OSBPL3: variants seen among roughly 807,000 people sequenced by gnomAD.
OSBPL3 encodes oxysterol-binding protein-related protein 3.
A neutral mutation model predicts 120.1 loss-of-function variants in OSBPL3; 65 were observed. The ratio of observed to expected loss-of-function variants is 0.54; its 90% confidence interval spans 0.44 to 0.67. The LOEUF (loss-of-function observed/expected upper bound fraction) is 0.67. OSBPL3 is among the 30% of genes least tolerant of loss of function. The pLI, the probability that OSBPL3 is intolerant of heterozygous loss-of-function variation, is 0.00. For synonymous variants in OSBPL3, 416 were observed against 402.6 expected, an observed-to-expected ratio of 1.03 and a Z score of -0.40; for missense variants, 1,004 against 1,082.1, an observed-to-expected ratio of 0.93 and a Z score of 1.01.
chr7:24,816,475 C>T, intron 18 of OSBPL3, 135 bp downstream of exon 18: 3 of 661,372 alleles, frequency 4.5e-6, no homozygotes, highest in Non-Finnish European at 8.2e-6. Flanking sequence ...ACATTTAAAC[C>T]TACTGTCAGA....
intron 1 of OSBPL3, among the ~76,000 whole-genome samples, chr7:24,944,741 T>C (rs1813519773): frequency 6.6e-6 from 1 of 152,232 alleles, no homozygotes; most frequent in African/African-American, 2.4e-5. Flanking sequence ...TGCTATTTTA[T>C]CCAAAGGTTT....
intron 1 of OSBPL3, among the ~76,000 whole-genome samples, chr7:24,978,037 A>C (rs368075397): frequency 6.6e-6 from 1 of 152,246 alleles, no homozygotes; most frequent in East Asian, 1.9e-4. Context: ...TGGAAACCAC[A>C]TTTTAGTTTA....
At chr7:24,843,165 C>T (rs1272746330) in intron 12 of OSBPL3, among the ~76,000 whole-genome samples, 1 of 152,136 alleles carries the variant, frequency 6.6e-6, no homozygotes, top group Non-Finnish European at 1.5e-5. Flanking sequence ...CAGGATATAA[C>T]AATGAACCAG....
intron 1 of OSBPL3, among the ~76,000 whole-genome samples, chr7:24,958,335 T>G (rs113681924): frequency 6.6e-6 from 1 of 152,200 alleles, no homozygotes; most frequent in Non-Finnish European, 1.5e-5. Context: ...TTTGGCTTTT[T>G]TTGATTGATA....
At chr7:24,841,718 A>G in intron 13 of OSBPL3, among the ~76,000 whole-genome samples, 1 of 74,546 alleles carries the variant, frequency 1.3e-5, no homozygotes, top group African/African-American at 7.0e-5. Context: ...AAAAAAAAAA[A>G]AAAGAGGCCA....
rs891157320 is a variant in OSBPL3 at position 24,832,548 on chromosome 7, A to G, written c.1747-1643T>C. Among the ~76,000 whole-genome samples the G allele has an allele frequency of 7.9e-5, 12 of 151,450 alleles. 1 individual carries two copies. The highest frequency in any genetic ancestry group is 6.6e-4 in the Admixed American group (10 of 15,198). On this transcript the variant is annotated intron_variant, in intron 15 of 22. Transcript: ENST00000313367. ...AAAAAAAAAGAAGAAGAAAAAATCA[A>G]CTGCACTCAAGTCAGTCCTACTTGT...
intron 1 of OSBPL3, among the ~76,000 whole-genome samples, chr7:24,917,097 T>C (rs1402778850): frequency 6.6e-6 from 1 of 152,076 alleles, no homozygotes; most frequent in Non-Finnish European, 1.5e-5. Context: ...ACTCCAAGAA[T>C]GCATTCCAGT....
At chr7:24,919,910 A>G (rs941628514) in intron 1 of OSBPL3, among the ~76,000 whole-genome samples, 1 of 152,062 alleles carries the variant, frequency 6.6e-6, no homozygotes, top group Non-Finnish European at 1.5e-5. Context: ...ACATGAAAAG[A>G]TGCTCAATGT....
chr7:24,933,431 A>G lies in OSBPL3; in HGVS notation c.-149-40810T>C, dbSNP rs1239161215. The stretch of plus-strand genomic sequence containing the variant: ...TACTGAATAATTTCATGGACATAAC[A>G]ATATGTTAAGTTTATGAATATTTAA... On this transcript the variant is annotated intron_variant, in intron 1 of 22. Transcript: ENST00000313367. The surrounding 1 kb of genome is among the most constrained non-coding windows in gnomAD (Gnocchi z 5.1). Among the ~76,000 whole-genome samples the G allele has an allele frequency of 6.6e-6, 1 of 152,314 alleles. No homozygotes were observed. The highest frequency in any genetic ancestry group is 2.1e-4 in the South Asian group (1 of 4,822).
chr7:24,830,727 A>T lies in OSBPL3; in HGVS notation c.1884+41T>A. On this transcript the variant is annotated intron_variant, in intron 16 of 22. Coordinates refer to ENST00000313367, the MANE Select transcript of OSBPL3 (RefSeq NM_015550.4). This position sits in a 1 kb window ranked among gnomAD's most constrained non-coding sequence, Gnocchi z 4.4. Reference sequence around the variant, plus strand: ...CAGAAGCACATTTAATGGGAGACATAAGCAACCCCTCCCAACAAGCAAAAA... The same window carrying T: ...CAGAAGCACATTTAATGGGAGACATTAGCAACCCCTCCCAACAAGCAAAAA... 6.4e-7 allele frequency: 1 copy of T among 1,568,128 alleles called. No individual in the cohort carries two copies. The highest frequency in any genetic ancestry group is 8.6e-7 in the Non-Finnish European group (1 of 1,158,814).
At chr7:24,865,527 A>C in intron 6 of OSBPL3, 62 bp from the exon 7 acceptor site, 2 of 1,554,310 alleles carry the variant, frequency 1.3e-6, no homozygotes, top group South Asian at 2.3e-5. Context: ...GGACATGTTA[A>C]GACAAAGGAT....
In OSBPL3 at chr7:24,940,743, G is replaced by T; in HGVS notation, c.-150+39143C>A. On this transcript the variant is annotated intron_variant, in intron 1 of 22. Transcript: ENST00000313367. The surrounding 1 kb of genome is among the most constrained non-coding windows in gnomAD (Gnocchi z 4.4). The stretch of plus-strand genomic sequence containing the variant: ...GATAACAACAGGCCAGGAACTCTAA[G>T]GCAAACAGGAGACAGCTACAAACCA... 6.6e-6 allele frequency among the ~76,000 whole-genome samples: 1 copy of T among 151,930 alleles called. No individual in the cohort carries two copies. Among genetic ancestry groups the T allele is most frequent in the East Asian group, 1.9e-4 (1 of 5,184 alleles).
rs1800912678 is a variant in OSBPL3 at position 24,863,696 on chromosome 7, GTTGA to G, written c.674-101_674-98del. On this transcript the variant is annotated intron_variant, in intron 7 of 22. Coordinates refer to ENST00000313367, the MANE Select transcript of OSBPL3 (RefSeq NM_015550.4). This position sits in a 1 kb window ranked among gnomAD's most constrained non-coding sequence, Gnocchi z 5.8. Reference sequence around the variant, plus strand: ...AGCTACTTTTCCTTATTTATCTGTAGTTGATTTTTTTTTTCATCTGTAAGGGTTG... The same window carrying G: ...AGCTACTTTTCCTTATTTATCTGTAGTTTTTTTTTTCATCTGTAAGGGTTG... The G allele has an allele frequency of 1.3e-6, 1 of 794,020 alleles. No individual in the cohort carries two copies. The highest frequency in any genetic ancestry group is 1.7e-5 in the African/African-American group (1 of 57,570). 49.2% of individuals were successfully genotyped at this position (794,020 alleles called of 1,614,324 possible). A position where few individuals can be genotyped will look rare whatever the true frequency, so the allele number is the denominator to read the frequency against.
chr7:24,932,159 A>G lies in OSBPL3; in HGVS notation c.-149-39538T>C, dbSNP rs1490368669. Among the ~76,000 whole-genome samples, 3 of 152,220 alleles carry G rather than the reference A, an allele frequency of 2.0e-5. No individual in the cohort carries two copies. Among genetic ancestry groups the G allele is most frequent in the Admixed American group, 1.3e-4 (2 of 15,286 alleles). On this transcript the variant is annotated intron_variant, in intron 1 of 22. Coordinates refer to ENST00000313367, the MANE Select transcript of OSBPL3 (RefSeq NM_015550.4). The surrounding 1 kb of genome is among the most constrained non-coding windows in gnomAD (Gnocchi z 5.6). ...ATAAACCATGTCTTATTTAATTAAT[A>G]AGAAATGAATGGGCACATTTGTCCC... is the stretch of plus-strand genomic sequence containing the variant.
rs1466193532 is a variant in OSBPL3 at position 24,899,020 on chromosome 7, T to A, written c.-149-6399A>T. ...CATAGAACAAGACAGAACTTTTTTT[T>A]AACCATAACCTGCACTGAAACCACC... On this transcript the variant is annotated intron_variant, in intron 1 of 22. Transcript: ENST00000313367. The surrounding 1 kb of genome is among the most constrained non-coding windows in gnomAD (Gnocchi z 4.0). Among the ~76,000 whole-genome samples, 1 of 152,184 alleles carries A rather than the reference T, an allele frequency of 6.6e-6. No individual in the cohort carries two copies. The highest frequency in any genetic ancestry group is 6.5e-5 in the Admixed American group (1 of 15,280).
Position 24,809,830 on chromosome 7 carries a change from G to C in OSBPL3, c.2294C>G (p.Ser765Cys). 1 of 1,614,124 alleles carries C rather than the reference G, an allele frequency of 6.2e-7. No homozygotes were observed. The highest frequency in any genetic ancestry group is 8.5e-7 in the Non-Finnish European group (1 of 1,180,020). ...HESIYCGGGS[S>C]SACVWRANPM... ...ACTTGCTCTCCATACACAGGCAGAA[G>C]AGGAGCCGCCGCCACAGTAGATGCT... Residue 765 changes from serine to cysteine, a missense_variant, in exon 20 of 23, where the codon TCT (serine) becomes TGT (cysteine). Transcript: ENST00000313367.
chr7:24,899,282 C>G lies in OSBPL3; in HGVS notation c.-149-6661G>C, dbSNP rs1471621131. Among the ~76,000 whole-genome samples the G allele has an allele frequency of 6.6e-6, 1 of 152,192 alleles. No individual in the cohort carries two copies. Among genetic ancestry groups the G allele is most frequent in the Non-Finnish European group, 1.5e-5 (1 of 68,032 alleles). On this transcript the variant is annotated intron_variant, in intron 1 of 22. Transcript: ENST00000313367. This position sits in a 1 kb window ranked among gnomAD's most constrained non-coding sequence, Gnocchi z 4.0. ...GCAATGACAATCTTCCTGGCCTCAA[C>G]CACACTGCAACTGTTAATACTGCTG... is the stretch of plus-strand genomic sequence containing the variant.
At chr7:24,864,302 C>T (rs563027350) in intron 7 of OSBPL3, among the ~76,000 whole-genome samples, 1 of 152,334 alleles carries the variant, frequency 6.6e-6, no homozygotes, top group Admixed American at 6.5e-5. Flanking sequence ...AGGCTAGAGG[C>T]TCTCACACTT....
chr7:24,801,000 T>C (rs1369079541), intron 22 of OSBPL3, among the ~76,000 whole-genome samples: 2 of 150,174 alleles, frequency 1.3e-5, no homozygotes, highest in South Asian at 4.3e-4. Context: ...CTCGGTACTT[T>C]GGGAGGCCGA....
Sources: gnomAD v4.1 joint callset for allele counts (sites outside exome capture counted in the v4.1 genomes callset) on GRCh38, gnomAD v4.1.1 for gene constraint, Gnocchi (gnomAD v3.1) non-coding constraint, MANE v1.5 for transcripts, NCBI Gene and HGNC (gene_info 2026-07-23, HGNC 2026-07-21) for gene names.